The following ARMC2 variants were observed in gnomAD, a reference collection of about 807,000 sequenced individuals.
The protein encoded by ARMC2 is armadillo repeat-containing protein 2.
A neutral mutation model predicts 90.3 loss-of-function variants in ARMC2; 67 were observed. That is an observed-to-expected ratio of 0.74 (90% CI 0.61 to 0.91). The LOEUF (loss-of-function observed/expected upper bound fraction) is 0.91. ARMC2 is among the 40% of genes least tolerant of loss of function. The pLI is 0.00. For missense variants in ARMC2, 920 were observed against 1,030.9 expected, an observed-to-expected ratio of 0.89 and a Z score of 1.47; for synonymous variants, 393 against 393.0, an observed-to-expected ratio of 1.00 and a Z score of 0.00.
rs527591438 is a variant in ARMC2, at chr6:108,868,089, G to C, written c.292-735G>C. ...TTTGTGGCATCCAAAATATGTAAAT[G>C]TACCACTTACATTCCACATAATTCT... On this transcript the variant is annotated intron_variant, in intron 3 of 17. Coordinates refer to ENST00000392644, the MANE Select transcript of ARMC2 (RefSeq NM_032131.6). Among the ~76,000 whole-genome samples the C allele has an allele frequency of 3.3e-5, 5 of 152,090 alleles. No individual in the cohort carries two copies. In the South Asian group the frequency reaches 1.0e-3, roughly 32 times the overall value.
chr6:108,985,974 T>G, the ARMC2 span, among the ~76,000 whole-genome samples: 5 of 152,202 alleles, frequency 3.3e-5, no homozygotes, highest in Non-Finnish European at 5.9e-5. Flanking sequence ...CCACCTCTGT[T>G]CAAAATTGAT....
intron 10 of ARMC2, among the ~76,000 whole-genome samples, chr6:108,915,050 T>A (rs1270076994): frequency 6.6e-6 from 1 of 151,956 alleles, no homozygotes; most frequent in Admixed American, 6.6e-5. Flanking sequence ...CCTCCCAGGT[T>A]CAAGCGATTC....
intron 5 of ARMC2, among the ~76,000 whole-genome samples, chr6:108,878,003 TTAACTTTCAG>T (rs1390407614): frequency 6.6e-6 from 1 of 152,212 alleles, no homozygotes; most frequent in African/African-American, 2.4e-5. Flanking sequence ...CCTGGCAAGG[TTAACTTTCAG>T]TAACATTTTT....
At chr6:108,958,802 T>C (rs1282002664) in intron 13 of ARMC2, among the ~76,000 whole-genome samples, 2 of 152,226 alleles carry the variant, frequency 1.3e-5, no homozygotes, top group African/African-American at 4.8e-5. Context: ...CTTGAATGCA[T>C]TTAAACTTTG....
the ARMC2 span, chr6:108,994,332 G>T: frequency 1.6e-6 from 1 of 620,554 alleles, no homozygotes; most frequent in South Asian, 3.3e-5. Context: ...TTGTAAATAG[G>T]AATACCTATG....
chr6:109,015,968 TTAAA>T, the ARMC2 span, among the ~76,000 whole-genome samples: 1 of 152,164 alleles, frequency 6.6e-6, no homozygotes, highest in East Asian at 1.9e-4. Flanking sequence ...ACCTATAATT[TTAAA>T]TACGAGGAAT....
At chr6:108,917,091 C>T (rs922066887) in intron 10 of ARMC2, among the ~76,000 whole-genome samples, 14 of 152,158 alleles carry the variant, frequency 9.2e-5, no homozygotes, top group African/African-American at 3.1e-4. Context: ...TTCACTTGTA[C>T]TTCCAATCTG....
At chr6:109,036,880 G>A in the ARMC2 span, among the ~76,000 whole-genome samples, 3 of 152,100 alleles carry the variant, frequency 2.0e-5, no homozygotes, top group East Asian at 1.9e-4. Flanking sequence ...TAAAACAGTC[G>A]TAAATCTGAG....
the ARMC2 span, among the ~76,000 whole-genome samples, chr6:109,019,496 T>C: frequency 6.6e-6 from 1 of 152,240 alleles, no homozygotes; most frequent in Admixed American, 6.5e-5. Context: ...ACCTTCACAA[T>C]GTAAATTTCA....
At chr6:108,986,028 CAGGCACTAG>C in the ARMC2 span, among the ~76,000 whole-genome samples, 1 of 152,142 alleles carries the variant, frequency 6.6e-6, no homozygotes, top group Non-Finnish European at 1.5e-5. Context: ...CATTTGTAGG[CAGGCACTAG>C]ATTGAGCTCA....
intron 10 of ARMC2, among the ~76,000 whole-genome samples, chr6:108,927,207 T>C (rs1032634664): frequency 6.6e-6 from 1 of 151,252 alleles, no homozygotes; most frequent in Admixed American, 6.6e-5. Flanking sequence ...AATGGGGAAG[T>C]GGAGGAAGGA....
chr6:109,040,899 G>C, the ARMC2 span, among the ~76,000 whole-genome samples: 1 of 151,880 alleles, frequency 6.6e-6, no homozygotes, highest in Non-Finnish European at 1.5e-5. Context: ...TGATCTGCCC[G>C]CCTCAGCCTC....
chr6:108,946,401 G>A lies in ARMC2; in HGVS notation c.1597-6632G>A, dbSNP rs371159807. Among the ~76,000 whole-genome samples, 7 of 152,146 alleles carry A rather than the reference G, an allele frequency of 4.6e-5. 1 individual carries two copies. The highest frequency in any genetic ancestry group is 5.9e-5 in the Non-Finnish European group (4 of 68,020). ...GAGTCTCCAACATTTCAGATTCTTC[G>A]ATTTTATCTAGTTAAACACGTAGGC... On this transcript the variant is annotated intron_variant, in intron 12 of 17. Coordinates refer to ENST00000392644, the MANE Select transcript of ARMC2 (RefSeq NM_032131.6).
the ARMC2 span, chr6:108,988,542 C>T: frequency 6.2e-7 from 1 of 1,605,620 alleles, no homozygotes; most frequent in Non-Finnish European, 8.5e-7. Context: ...TAGGCACATA[C>T]CTTCTCAGAG....
At chr6:108,889,497 A>G (rs1366331127) in intron 5 of ARMC2, among the ~76,000 whole-genome samples, 1 of 151,584 alleles carries the variant, frequency 6.6e-6, no homozygotes, top group Non-Finnish European at 1.5e-5. Flanking sequence ...CTGGAATGCA[A>G]TGGCACAATC....
intron 5 of ARMC2, among the ~76,000 whole-genome samples, chr6:108,879,502 C>T (rs1562344360): frequency 6.6e-6 from 1 of 151,850 alleles, no homozygotes; most frequent in African/African-American, 2.4e-5. Flanking sequence ...ATTCATTAAC[C>T]TATCCACCCA....
At chr6:108,909,758 A>G (rs933551243) in intron 8 of ARMC2, among the ~76,000 whole-genome samples, 1 of 151,984 alleles carries the variant, frequency 6.6e-6, no homozygotes, top group Non-Finnish European at 1.5e-5. Flanking sequence ...CTGGTCTCGA[A>G]CTCCTGACCT....
intron 3 of ARMC2, among the ~76,000 whole-genome samples, chr6:108,866,466 G>A (rs1174491847): frequency 6.6e-6 from 1 of 152,208 alleles, no homozygotes; most frequent in African/African-American, 2.4e-5. Flanking sequence ...CTGCGTCAGA[G>A]GCTAGGGCCT....
At chr6:108,914,636 CTGTT>C (rs746315254) in intron 10 of ARMC2, among the ~76,000 whole-genome samples, 24 of 152,322 alleles carry the variant, frequency 1.6e-4, no homozygotes, top group Non-Finnish European at 2.6e-4. Flanking sequence ...AACTGTATCA[CTGTT>C]TGTGTGTTTA....
Sources: gnomAD v4.1 joint callset for allele counts (sites outside exome capture counted in the v4.1 genomes callset) on GRCh38, gnomAD v4.1.1 for gene constraint, MANE v1.5 for transcripts, NCBI Gene and HGNC (gene_info 2026-07-23, HGNC 2026-07-21) for gene names.